The following MAGI3 variants were observed in gnomAD, a reference collection of about 807,000 sequenced individuals.
The protein encoded by MAGI3 is membrane associated guanylate kinase, WW and PDZ domain containing 3, also known as membrane-associated guanylate kinase, WW and PDZ domain-containing protein 3.
MAGI3 carries 43 observed loss-of-function variants against 121.8 expected under a neutral mutation model. That is an observed-to-expected ratio of 0.35 (90% confidence interval 0.28 to 0.46). MAGI3 has a LOEUF of 0.46. Ranked by LOEUF, MAGI3 falls within the 20% of genes least tolerant of loss-of-function variation. MAGI3 has a pLI of 1.00. For missense variants in MAGI3, 1,547 were observed against 1,797.3 expected (o/e 0.86, Z 2.52); for synonymous variants, 553 against 639.3 (o/e 0.86, Z 2.04).
At chr1:113,606,825 T>G (rs982049771) in intron 6 of MAGI3, among the ~76,000 whole-genome samples, 1 of 152,192 alleles carries the variant, frequency 6.6e-6, no homozygotes, top group African/African-American at 2.4e-5. Context: ...TTTCACGTCC[T>G]GTTGCTTTTT....
rs375389976 is a variant in MAGI3, at chr1:113,487,966, G to A, written c.317-61549G>A. Reference sequence around the variant, plus strand: ...AATAATTAATTCTTTGTAGGAACAAGCAACTGTAGAAATGGTAAAGTTATG... The same window carrying A: ...AATAATTAATTCTTTGTAGGAACAAACAACTGTAGAAATGGTAAAGTTATG... On this transcript the variant is annotated intron_variant, in intron 1 of 20. Transcript: ENST00000307546. Among the ~76,000 whole-genome samples the A allele has an allele frequency of 1.4e-3, 215 of 152,174 alleles. 1 individual carries two copies. Among genetic ancestry groups the A allele is most frequent in the South Asian group, 9.7e-3 (47 of 4,822 alleles).
intron 1 of MAGI3, among the ~76,000 whole-genome samples, chr1:113,510,452 C>T (rs1657560009): frequency 1.3e-5 from 2 of 151,174 alleles, no homozygotes; most frequent in Admixed American, 1.3e-4. Flanking sequence ...ATTCAAAGCA[C>T]CAAATATCTG....
chr1:113,434,837 C>T (rs1653483900), intron 1 of MAGI3, among the ~76,000 whole-genome samples: 2 of 152,300 alleles, frequency 1.3e-5, no homozygotes, highest in South Asian at 4.1e-4. Flanking sequence ...ACTGCAAGTG[C>T]AGTATTTTTA....
chr1:113,582,926 A>C (rs1451543914), intron 3 of MAGI3, among the ~76,000 whole-genome samples: 2 of 151,716 alleles, frequency 1.3e-5, no homozygotes, highest in African/African-American at 4.8e-5. Context: ...ACAGTCTGTA[A>C]TTTTATATGT....
intron 19 of MAGI3, among the ~76,000 whole-genome samples, chr1:113,678,327 A>G (rs1282662162): frequency 6.6e-6 from 1 of 152,206 alleles, no homozygotes; most frequent in East Asian, 1.9e-4. Context: ...CCTCATGAAA[A>G]TGATTCTTCT....
chr1:113,462,492 A>T (rs1364620315), intron 1 of MAGI3, among the ~76,000 whole-genome samples: 2 of 152,186 alleles, frequency 1.3e-5, no homozygotes, highest in Non-Finnish European at 2.9e-5. Context: ...CACACTTACA[A>T]GTGGGAGCTA....
At chr1:113,478,228 T>C (rs1276268359) in intron 1 of MAGI3, among the ~76,000 whole-genome samples, 1 of 152,226 alleles carries the variant, frequency 6.6e-6, no homozygotes, top group Non-Finnish European at 1.5e-5. Context: ...AGCCTACTTT[T>C]GTCAACTTGT....
intron 6 of MAGI3, among the ~76,000 whole-genome samples, chr1:113,599,449 G>A (rs952034632): frequency 7.2e-5 from 11 of 152,144 alleles, no homozygotes; most frequent in African/African-American, 1.2e-4. Flanking sequence ...ACACCTCTAC[G>A]CAAATAAACT....
In MAGI3 at chr1:113,683,804, G is replaced by T. The variant is rs770917797; in HGVS notation, c.4236G>T (p.Lys1412Asn). ...ENVQLSEKRL[K>N]QEPEEKVVSN... ...TCCAGCTATCAGAAAAGAGGCTGAAGCAAGAACCTGAAGAGAAGGTAGTTT... is the reference window on the plus strand; with the variant it reads ...TCCAGCTATCAGAAAAGAGGCTGAATCAAGAACCTGAAGAGAAGGTAGTTT... Residue 1412 changes from lysine to asparagine, a missense_variant, in exon 21 of 21, where the codon AAG (lysine) becomes AAT (asparagine). Lys to Asn is a moderately conservative substitution (Grantham distance 94). Coordinates refer to ENST00000307546, the MANE Select transcript of MAGI3 (RefSeq NM_001142782.2). 6.2e-7 allele frequency: 1 copy of T among 1,609,578 alleles called. No individual in the cohort carries two copies. Among genetic ancestry groups the T allele is most frequent in the South Asian group, 1.1e-5 (1 of 90,100 alleles).
chr1:113,473,973 A>G (rs1655674482), intron 1 of MAGI3, among the ~76,000 whole-genome samples: 1 of 151,348 alleles, frequency 6.6e-6, no homozygotes, highest in African/African-American at 2.4e-5. Context: ...CTGGTGTGAG[A>G]TGGTATCTCA....
chr1:113,535,429 T>C lies in MAGI3; in HGVS notation c.317-14086T>C, dbSNP rs897256949. Among the ~76,000 whole-genome samples the C allele has an allele frequency of 2.0e-5, 3 of 152,134 alleles. No individual in the cohort carries two copies. The East Asian group carries it at 5.8e-4, about 29-fold the overall frequency. On this transcript the variant is annotated intron_variant, in intron 1 of 20. Coordinates refer to ENST00000307546, the MANE Select transcript of MAGI3 (RefSeq NM_001142782.2). ...ATATAAGAAACATGTACCAATTTTG[T>C]AAATATTGTATACTAAATGCTATTC...
chr1:113,488,175 A>T (rs1233085739), intron 1 of MAGI3, among the ~76,000 whole-genome samples: 1 of 152,102 alleles, frequency 6.6e-6, no homozygotes, highest in Non-Finnish European at 1.5e-5. Context: ...TTAGTGTTTC[A>T]TTGACTATTT....
intron 1 of MAGI3, among the ~76,000 whole-genome samples, chr1:113,431,094 G>C (rs1653276675): frequency 6.6e-6 from 1 of 152,114 alleles, no homozygotes; most frequent in South Asian, 2.1e-4. Context: ...AGGTAACCTG[G>C]AAACTTGGAG....
At chr1:113,594,657 C>A in intron 6 of MAGI3, 97 bp downstream of exon 6, 1 of 935,366 alleles carries the variant, frequency 1.1e-6, no homozygotes, top group Non-Finnish European at 1.6e-6. Context: ...CTAAACAAAC[C>A]ATAATGTACA....
In MAGI3 at chr1:113,646,573, A is replaced by C. The variant is rs768054492; in HGVS notation, c.2086A>C (p.Arg696=). Residue 696 remains arginine (R), a synonymous_variant, in exon 12 of 21, where the codon AGG becomes CGG. Coordinates refer to ENST00000307546, the MANE Select transcript of MAGI3 (RefSeq NM_001142782.2). The part of the protein sequence containing the change: ...QPMPFPPSII[R]SGSPKLDPSE... Reference sequence around the variant, plus strand: ...TATGCCTTTTCCACCGAGCATTATCAGGTCAGGATCCCCAAAATTGGATCC... The same window carrying C: ...TATGCCTTTTCCACCGAGCATTATCCGGTCAGGATCCCCAAAATTGGATCC... 5.6e-6 allele frequency: 9 copies of C among 1,613,656 alleles called. No individual in the cohort carries two copies. Among genetic ancestry groups the C allele is most frequent in the Non-Finnish European group, 6.8e-6 (8 of 1,179,702 alleles).
intron 1 of MAGI3, among the ~76,000 whole-genome samples, chr1:113,527,581 T>C (rs1325873621): frequency 3.9e-5 from 6 of 152,144 alleles, no homozygotes; most frequent in Non-Finnish European, 7.4e-5. Flanking sequence ...TTCATTTAAA[T>C]TAGGTTGGTC....
At chr1:113,517,498 T>C (rs1657986849) in intron 1 of MAGI3, among the ~76,000 whole-genome samples, 1 of 152,006 alleles carries the variant, frequency 6.6e-6, no homozygotes, top group African/African-American at 2.4e-5. Flanking sequence ...TGGAAATGCC[T>C]AGGATACCTA....
Position 113,450,195 on chromosome 1 carries a change from C to T in MAGI3, c.316+58846C>T, listed in dbSNP as rs1299311436. 7.7e-6 allele frequency: 12 copies of T among 1,562,656 alleles called. No individual in the cohort carries two copies. In the East Asian group the frequency reaches 2.2e-4, roughly 29 times the overall value. The stretch of plus-strand genomic sequence containing the variant: ...TTGATAAAATTGTTGTTCAGAAATA[C>T]CACACTATTAATGGGCATAATTGTG... On this transcript the variant is annotated intron_variant, in intron 1 of 20. Transcript: ENST00000307546.
intron 1 of MAGI3, among the ~76,000 whole-genome samples, chr1:113,410,086 T>C (rs1651899178): frequency 1.3e-5 from 2 of 152,158 alleles, no homozygotes. Context: ...GAAGATGGTC[T>C]TTCTCCATGT....
Sources: gnomAD v4.1 joint callset for allele counts (sites outside exome capture counted in the v4.1 genomes callset) on GRCh38, gnomAD v4.1.1 for gene constraint, MANE v1.5 for transcripts, NCBI Gene and HGNC (gene_info 2026-07-23, HGNC 2026-07-21) for gene names.